The following GPD2 variants were observed in gnomAD, a reference collection of about 807,000 sequenced individuals.
GPD2 encodes the protein glycerol-3-phosphate dehydrogenase, mitochondrial.
In GPD2, 54 loss-of-function variants were observed where a neutral mutation model predicts 82.4. The ratio of observed to expected loss-of-function variants is 0.66; its 90% confidence interval spans 0.53 to 0.82. GPD2 has a LOEUF of 0.82. Among genes scored for constraint, GPD2 ranks in the 40% least tolerant of loss-of-function variants. GPD2 has a pLI of 0.00. For missense variants in GPD2, 748 were observed against 896.2 expected, an observed-to-expected ratio of 0.83 and a Z score of 2.11; for synonymous variants, 288 against 306.1, an observed-to-expected ratio of 0.94 and a Z score of 0.62.
At chr2:156,401,118 C>T in the GPD2 span, among the ~76,000 whole-genome samples, 2 of 152,086 alleles carry the variant, frequency 1.3e-5, no homozygotes, top group Non-Finnish European at 2.9e-5. Flanking sequence ...GTGTATGATA[C>T]CCACAGAAAA....
intron 6 of GPD2, among the ~76,000 whole-genome samples, chr2:156,542,635 G>T (rs1468013364): frequency 1.3e-5 from 2 of 152,158 alleles, no homozygotes; most frequent in African/African-American, 4.8e-5. Flanking sequence ...CATTGAGGTT[G>T]TATTAATACC....
chr2:156,459,686 C>CAAAAAAAAAAAAAAAAAAAAAAAAAA (rs564494059), intron 1 of GPD2, among the ~76,000 whole-genome samples: 6 of 38,778 alleles, frequency 1.5e-4, no homozygotes, highest in Non-Finnish European at 1.8e-4. Flanking sequence ...GACTCCGTCT[C>CAAAAAAAAAAAAAAAAAAAAAAAAAA]AAAAAAAAAA....
intron 6 of GPD2, among the ~76,000 whole-genome samples, chr2:156,526,110 G>A (rs189865182): frequency 2.0e-5 from 3 of 152,164 alleles, no homozygotes; most frequent in Admixed American, 1.3e-4. Context: ...ATTTTAAAAG[G>A]TGAATTTAAA....
intron 1 of GPD2, chr2:156,473,642 T>C (rs1168388332): frequency 6.6e-6 from 1 of 152,200 alleles, no homozygotes; most frequent in Non-Finnish European, 1.5e-5. Flanking sequence ...TTAAGGTAAA[T>C]AGTAAATAGA....
chr2:156,558,322 A>G (rs1055112003), intron 9 of GPD2, among the ~76,000 whole-genome samples: 12 of 152,032 alleles, frequency 7.9e-5, no homozygotes, highest in Non-Finnish European at 1.5e-4. Flanking sequence ...TCTAATGCCT[A>G]TCTATGCTTA....
chr2:156,473,527 CA>C (rs1683401886), intron 1 of GPD2: 1 of 152,130 alleles, frequency 6.6e-6, no homozygotes, highest in Non-Finnish European at 1.5e-5. Flanking sequence ...TTTGTGAGGT[CA>C]ACAATGACAT....
chr2:156,405,479 TGAG>T, the GPD2 span, among the ~76,000 whole-genome samples: 2 of 152,062 alleles, frequency 1.3e-5, no homozygotes, highest in African/African-American at 4.8e-5. Flanking sequence ...TGACAAGAAT[TGAG>T]GAGCCAAAGT....
At chr2:156,504,187 A>G (rs1046395010) in intron 3 of GPD2, among the ~76,000 whole-genome samples, 9 of 152,152 alleles carry the variant, frequency 5.9e-5, no homozygotes, top group African/African-American at 1.7e-4. Context: ...GGAAAATACC[A>G]GGCCAAAGCA....
At chr2:156,551,586 A>G (rs552474410) in intron 8 of GPD2, among the ~76,000 whole-genome samples, 1 of 152,336 alleles carries the variant, frequency 6.6e-6, no homozygotes, top group African/African-American at 2.4e-5. Flanking sequence ...TATGTGCAAC[A>G]GTATTCATTA....
At chr2:156,468,020 T>C (rs149345981) in intron 1 of GPD2, among the ~76,000 whole-genome samples, 164 of 152,232 alleles carry the variant, frequency 1.1e-3, no homozygotes, top group African/African-American at 3.8e-3. Context: ...ATGGTATGCT[T>C]TGATTGTTAC....
At chr2:156,487,092 G>A (rs1449525537) in intron 2 of GPD2, among the ~76,000 whole-genome samples, 1 of 152,068 alleles carries the variant, frequency 6.6e-6, no homozygotes, top group Non-Finnish European at 1.5e-5. Context: ...GATCACCTGC[G>A]GTCAGGAGCT....
intron 4 of GPD2, 93 bp from the exon 5 acceptor site, chr2:156,512,127 T>C: frequency 1.3e-6 from 1 of 763,662 alleles, no homozygotes; most frequent in Non-Finnish European, 2.4e-6. Flanking sequence ...AGAAGGTTTC[T>C]GTGTATCAAT....
chr2:156,572,458 A>G (rs1474541036), intron 13 of GPD2, among the ~76,000 whole-genome samples: 1 of 152,084 alleles, frequency 6.6e-6, no homozygotes. Context: ...GATTACCGCA[A>G]TAGCTTCCCT....
chr2:156,570,986 AT>A, intron 12 of GPD2, 147 bp from the exon 13 acceptor site: 1 of 668,360 alleles, frequency 1.5e-6, no homozygotes, highest in East Asian at 2.7e-5. Flanking sequence ...TGATGCCACT[AT>A]TTGTCTCATG....
At chr2:156,572,202 T>A (rs951050091) in intron 13 of GPD2, among the ~76,000 whole-genome samples, 2 of 152,216 alleles carry the variant, frequency 1.3e-5, no homozygotes, top group African/African-American at 4.8e-5. Flanking sequence ...CATAAATAGC[T>A]ATCCTTCAGT....
chr2:156,551,345 C>T (rs1686752047), intron 8 of GPD2, among the ~76,000 whole-genome samples: 1 of 152,092 alleles, frequency 6.6e-6, no homozygotes. Flanking sequence ...GTGATGGGTA[C>T]ATGGAGCGTC....
intron 1 of GPD2, among the ~76,000 whole-genome samples, chr2:156,472,390 G>A (rs1046890277): frequency 6.6e-6 from 1 of 152,050 alleles, no homozygotes; most frequent in African/African-American, 2.4e-5. Flanking sequence ...GCGCAGTCTC[G>A]GCTCACTGCA....
chr2:156,413,274 T>TG, the GPD2 span, among the ~76,000 whole-genome samples: 1 of 152,164 alleles, frequency 6.6e-6, no homozygotes, highest in Admixed American at 6.6e-5. Context: ...GCTATCTTGG[T>TG]GGGGGTGATA....
chr2:156,413,767 G>C, the GPD2 span, among the ~76,000 whole-genome samples: 1 of 151,906 alleles, frequency 6.6e-6, no homozygotes, highest in Non-Finnish European at 1.5e-5. Context: ...AGCCAGGCGT[G>C]GTGGCGCATG....
Sources: allele counts gnomAD v4.1 joint callset (sites outside exome capture counted in the v4.1 genomes callset), GRCh38; gene constraint gnomAD v4.1.1; transcripts MANE v1.5; gene names NCBI Gene and HGNC (gene_info 2026-07-23, HGNC 2026-07-21).